Variants in FARP1 observed in about 807,000 individuals in gnomAD.
FARP1 encodes the protein FERM, ARHGEF and pleckstrin domain-containing protein 1.
A neutral mutation model predicts 128.8 loss-of-function variants in FARP1; 52 were observed. The ratio of observed to expected loss-of-function variants is 0.40; its 90% CI spans 0.32 to 0.51. FARP1 has a LOEUF of 0.51. FARP1 is among the 20% of genes least tolerant of loss of function. The probability of loss-of-function intolerance (pLI) is 0.45; values close to 1 mark genes in which losing one functional copy is unlikely to be tolerated. For synonymous variants in FARP1, 580 were observed against 551.8 expected (o/e 1.05, Z -0.72); for missense variants, 1,333 against 1,367.9 (o/e 0.97, Z 0.40).
chr13:98,203,729 C>T (rs1880095379), intron 1 of FARP1: 1 of 152,176 alleles, frequency 6.6e-6, no homozygotes, highest in South Asian at 2.1e-4. Flanking sequence ...TCTGTGCAGA[C>T]ATATGTTTTC....
At chr13:98,245,662 A>G (rs1334604075) in intron 2 of FARP1, among the ~76,000 whole-genome samples, 3 of 152,230 alleles carry the variant, frequency 2.0e-5, no homozygotes, top group African/African-American at 7.2e-5. Context: ...TCTTTAGAAG[A>G]AGAACTTGTT....
chr13:98,162,545 G>A (rs1011189328), intron 1 of FARP1, among the ~76,000 whole-genome samples: 2 of 152,166 alleles, frequency 1.3e-5, no homozygotes, highest in African/African-American at 4.8e-5. Flanking sequence ...AACCTGGGCT[G>A]ACCTCACCAG....
chr13:98,261,287 C>A (rs1566805731), intron 2 of FARP1, among the ~76,000 whole-genome samples: 1 of 152,216 alleles, frequency 6.6e-6, no homozygotes, highest in East Asian at 1.9e-4. Context: ...CGACCCCTGG[C>A]CCTGAGCTGT....
intron 5 of FARP1, among the ~76,000 whole-genome samples, chr13:98,368,740 C>T (rs936964570): frequency 6.6e-6 from 1 of 152,124 alleles, no homozygotes; most frequent in African/African-American, 2.4e-5. Context: ...CTTGCTTGGC[C>T]AGAGTGGTTT....
chr13:98,441,152 C>T (rs778003858), intron 24 of FARP1, among the ~76,000 whole-genome samples: 8 of 152,132 alleles, frequency 5.3e-5, no homozygotes, highest in Non-Finnish European at 1.2e-4. Flanking sequence ...TGCAGTTAGC[C>T]CAGAACACAG....
intron 1 of FARP1, among the ~76,000 whole-genome samples, chr13:98,153,312 A>AAATTATATAT: frequency 5.7e-5 from 1 of 17,586 alleles, no homozygotes; most frequent in East Asian, 4.6e-3. Context: ...ATTTATATAT[A>AAATTATATAT]AAATATATAA....
chr13:98,446,902 G>A, intron 26 of FARP1, 85 bp downstream of exon 26: 4 of 1,442,292 alleles, frequency 2.8e-6, no homozygotes, highest in Non-Finnish European at 3.8e-6. Flanking sequence ...GTCAGCGAGT[G>A]AGATGGCCCC....
intron 16 of FARP1, among the ~76,000 whole-genome samples, chr13:98,420,475 C>G (rs558687915): frequency 6.6e-6 from 1 of 152,244 alleles, no homozygotes; most frequent in South Asian, 2.1e-4. Flanking sequence ...TTGTGGTGAA[C>G]GAAGTTTTGA....
At chr13:98,334,569 T>A (rs1887660392) in intron 2 of FARP1, among the ~76,000 whole-genome samples, 1 of 152,190 alleles carries the variant, frequency 6.6e-6, no homozygotes, top group Non-Finnish European at 1.5e-5. Flanking sequence ...AATAATAGCA[T>A]AAAATAGCAT....
intron 25 of FARP1, 23 bp downstream of exon 25, chr13:98,446,228 G>C: frequency 6.6e-7 from 1 of 1,518,838 alleles, no homozygotes; most frequent in Non-Finnish European, 9.1e-7. Context: ...CACAGGGCAG[G>C]TGGCCCTGGG....
intron 1 of FARP1, chr13:98,204,083 C>G (rs1334940834): frequency 6.6e-6 from 1 of 152,174 alleles, no homozygotes; most frequent in Non-Finnish European, 1.5e-5. Context: ...AAAGGAACAC[C>G]CGCCTAGCCA....
At chr13:98,416,262 G>A (rs1331609159) in intron 16 of FARP1, among the ~76,000 whole-genome samples, 5 of 152,184 alleles carry the variant, frequency 3.3e-5, no homozygotes, top group African/African-American at 4.8e-5. Flanking sequence ...AATGGAAAGA[G>A]ATCTAAAGTA....
intron 1 of FARP1, among the ~76,000 whole-genome samples, chr13:98,154,719 T>C (rs1190417688): frequency 6.6e-6 from 1 of 152,176 alleles, no homozygotes; most frequent in East Asian, 1.9e-4. Context: ...CCGAAGCAAC[T>C]GCAAGGCCCT....
intron 2 of FARP1, among the ~76,000 whole-genome samples, chr13:98,285,280 C>T (rs1050856296): frequency 4.6e-5 from 7 of 152,180 alleles, no homozygotes; most frequent in Middle Eastern, 3.2e-3. Context: ...AACCTGGAGG[C>T]ATTCTTACTT....
chr13:98,145,353 C>T (rs1031733203), intron 1 of FARP1, among the ~76,000 whole-genome samples: 3 of 152,104 alleles, frequency 2.0e-5, no homozygotes, highest in Non-Finnish European at 2.9e-5. Context: ...TTCTAATGCC[C>T]CCTTTCACAT....
chr13:98,300,648 G>A (rs1390309032), intron 2 of FARP1, among the ~76,000 whole-genome samples: 7 of 152,096 alleles, frequency 4.6e-5, no homozygotes, highest in East Asian at 1.9e-4. Context: ...TCTCTGCTCC[G>A]CCCAGCAGGG....
chr13:98,240,926 G>T (rs1435085650), intron 2 of FARP1, among the ~76,000 whole-genome samples: 1 of 152,164 alleles, frequency 6.6e-6, no homozygotes, highest in East Asian at 1.9e-4. Context: ...GGACTTCCTA[G>T]GAGTTACAAG....
At chr13:98,363,390 T>C (rs1888953948) in intron 3 of FARP1, among the ~76,000 whole-genome samples, 1 of 152,208 alleles carries the variant, frequency 6.6e-6, no homozygotes, top group African/African-American at 2.4e-5. Flanking sequence ...CTGCATATTG[T>C]GGTGTTTTGA....
Position 98,411,995 on chromosome 13 carries a change from C to T in FARP1, c.1787C>T (p.Thr596Ile). ...PNFEPLHKFH[T>I]NFLKEIEQRL... ...TTTGAACCTTTGCACAAATTTCATA[C>T]TAATTTTCTCAAGGAAATTGAGCAA... Residue 596 changes from threonine (T) to isoleucine (I), a missense_variant, in exon 16 of 27, where the codon ACT becomes ATT. Around this residue, in one of 2 missense-constraint regions of FARP1, gnomAD observed 1,009 missense variants for 969.8 expected, o/e 1.04. Transcript: ENST00000319562. 2 of 1,614,064 alleles carry T rather than the reference C, an allele frequency of 1.2e-6. No homozygotes were observed. The highest frequency in any genetic ancestry group is 1.7e-6 in the Non-Finnish European group (2 of 1,179,918).
Sources: allele counts gnomAD v4.1 joint callset (sites outside exome capture counted in the v4.1 genomes callset), GRCh38; gene constraint gnomAD v4.1.1; regional missense constraint gnomAD v4.1.1; transcripts MANE v1.5; gene names NCBI Gene and HGNC (gene_info 2026-07-23, HGNC 2026-07-21).